The following VAV3 variants were observed in gnomAD, a reference collection of about 807,000 sequenced individuals.
VAV3 encodes guanine nucleotide exchange factor VAV3.
A neutral mutation model predicts 131.2 loss-of-function variants in VAV3; 94 were observed. The ratio of observed to expected loss-of-function variants is 0.72; its 90% CI spans 0.61 to 0.85. The LOEUF is 0.85. Among genes scored for constraint, VAV3 ranks in the 40% least tolerant of loss-of-function variants. The pLI, the probability that VAV3 is intolerant of heterozygous loss-of-function variation, is 0.00. For synonymous variants in VAV3, 349 were observed against 342.0 expected (o/e 1.02, Z -0.22); for missense variants, 939 against 1,002.7 (o/e 0.94, Z 0.86).
intron 19 of VAV3, 150 bp downstream of exon 19, chr1:107,683,338 G>A (rs576335524): frequency 6.0e-5 from 46 of 770,230 alleles, no homozygotes; most frequent in Admixed American, 5.8e-4. Context: ...TGATTTACAC[G>A]TTAGACCATG....
intron 2 of VAV3, among the ~76,000 whole-genome samples, chr1:107,858,286 G>T (rs76231380): frequency 6.6e-6 from 1 of 152,172 alleles, no homozygotes; most frequent in African/African-American, 2.4e-5. Context: ...TGACAGCACT[G>T]AAATTATACA....
intron 1 of VAV3, among the ~76,000 whole-genome samples, chr1:107,886,093 G>C (rs544893990): frequency 3.9e-5 from 6 of 152,300 alleles, no homozygotes; most frequent in African/African-American, 1.4e-4. Context: ...CAAAATTTTG[G>C]AGGAAATGCA....
At chr1:107,664,184 A>G (rs1019978760) in intron 19 of VAV3, among the ~76,000 whole-genome samples, 6 of 151,724 alleles carry the variant, frequency 4.0e-5, no homozygotes, top group Non-Finnish European at 8.8e-5. Flanking sequence ...CTCCCCTCCT[A>G]TTTTATTTTT....
intron 2 of VAV3, among the ~76,000 whole-genome samples, chr1:107,830,075 C>T (rs770110711): frequency 3.9e-5 from 6 of 152,108 alleles, no homozygotes; most frequent in Admixed American, 2.0e-4. Context: ...TTCCTTTCAC[C>T]TTTTAAAATT....
At chr1:107,747,394 G>A (rs1663419039) in intron 15 of VAV3, among the ~76,000 whole-genome samples, 1 of 151,486 alleles carries the variant, frequency 6.6e-6, no homozygotes, top group African/African-American at 2.4e-5. Context: ...GCAAAGGCTC[G>A]AGATCAGCTC....
At chr1:107,590,054 TG>T (rs1650816816) in intron 25 of VAV3, among the ~76,000 whole-genome samples, 1 of 152,174 alleles carries the variant, frequency 6.6e-6, no homozygotes, top group Non-Finnish European at 1.5e-5. Flanking sequence ...ATGGGGACAG[TG>T]GGTGACAGGA....
intron 1 of VAV3, among the ~76,000 whole-genome samples, chr1:107,922,291 T>C (rs1571144978): frequency 1.2e-4 from 1 of 8,464 alleles, no homozygotes; most frequent in Middle Eastern, 0.25. Context: ...ATGTCTTGTT[T>C]TGTGTCAGTA....
intron 2 of VAV3, among the ~76,000 whole-genome samples, chr1:107,852,960 T>C (rs1669295203): frequency 6.6e-6 from 1 of 152,118 alleles, no homozygotes; most frequent in African/African-American, 2.4e-5. Context: ...AAAGAAAAGA[T>C]TTGCCTATCT....
chr1:107,625,546 C>T (rs773439717), intron 20 of VAV3, among the ~76,000 whole-genome samples: 1 of 152,150 alleles, frequency 6.6e-6, no homozygotes, highest in Non-Finnish European at 1.5e-5. Context: ...GGATTACAGG[C>T]ATGAGCCACT....
chr1:107,784,643 C>T (rs968081082), intron 2 of VAV3, among the ~76,000 whole-genome samples: 2 of 152,190 alleles, frequency 1.3e-5, no homozygotes, highest in African/African-American at 4.8e-5. Context: ...GTCTTTCAAT[C>T]TGACAACGGA....
At chr1:107,579,541 A>G (rs1239687914) in intron 25 of VAV3, among the ~76,000 whole-genome samples, 2 of 152,176 alleles carry the variant, frequency 1.3e-5, no homozygotes, top group Non-Finnish European at 2.9e-5. Flanking sequence ...TTTCTCTGCA[A>G]TATGAAGTTA....
At chr1:107,587,001 G>A (rs548961210) in intron 25 of VAV3, among the ~76,000 whole-genome samples, 1 of 152,182 alleles carries the variant, frequency 6.6e-6, no homozygotes, top group South Asian at 2.1e-4. Context: ...GACTTCTCAG[G>A]AGTGTTACAG....
chr1:107,671,221 T>G (rs1657767736), intron 19 of VAV3, among the ~76,000 whole-genome samples: 1 of 152,194 alleles, frequency 6.6e-6, no homozygotes, highest in African/African-American at 2.4e-5. Context: ...ACTGAAGACA[T>G]CACACGATTT....
At chr1:107,895,229 C>G (rs1054900053) in intron 1 of VAV3, among the ~76,000 whole-genome samples, 11 of 152,152 alleles carry the variant, frequency 7.2e-5, no homozygotes, top group Non-Finnish European at 1.3e-4. Context: ...GAATCGGACT[C>G]TCACCCATGG....
chr1:107,585,328 T>C (rs1650398723), intron 25 of VAV3, among the ~76,000 whole-genome samples: 1 of 152,204 alleles, frequency 6.6e-6, no homozygotes, highest in South Asian at 2.1e-4. Flanking sequence ...CTAACTGGTC[T>C]TCCTGTGCCT....
chr1:107,753,313 A>G (rs1055877349), intron 12 of VAV3, among the ~76,000 whole-genome samples: 1 of 151,854 alleles, frequency 6.6e-6, no homozygotes, highest in Non-Finnish European at 1.5e-5. Context: ...GGGAAAGAGA[A>G]GAATGGGAAG....
At chr1:107,807,083 C>T (rs761912585) in intron 2 of VAV3, among the ~76,000 whole-genome samples, 15 of 152,212 alleles carry the variant, frequency 9.9e-5, no homozygotes, top group South Asian at 2.1e-4. Context: ...AACCCAAGAA[C>T]GCAAAACCCA....
intron 25 of VAV3, among the ~76,000 whole-genome samples, chr1:107,594,762 C>T (rs1651240252): frequency 6.6e-6 from 1 of 152,046 alleles, no homozygotes; most frequent in Non-Finnish European, 1.5e-5. Flanking sequence ...TGGGAGTGAA[C>T]CACAGAGTGA....
At position 107,631,747 on chromosome 1, in the gene VAV3, G is replaced by A. The variant is rs372888270; in HGVS notation, c.1914+10872C>T. Reference sequence around the variant, plus strand: ...GCGGTGTTTGGTTTTTTGTCCTTGCGATAATTTGCTGAGAATGATTGTTTC... The same window carrying A: ...GCGGTGTTTGGTTTTTTGTCCTTGCAATAATTTGCTGAGAATGATTGTTTC... On this transcript the variant is annotated intron_variant, in intron 20 of 26. Transcript: ENST00000370056. Among the ~76,000 whole-genome samples the A allele has an allele frequency of 1.0e-4, 15 of 150,342 alleles. No homozygotes were observed. The East Asian group carries it at 2.2e-3, about 22-fold the overall frequency.
Sources: allele counts gnomAD v4.1 joint callset (sites outside exome capture counted in the v4.1 genomes callset), GRCh38; gene constraint gnomAD v4.1.1; transcripts MANE v1.5; gene names NCBI Gene and HGNC (gene_info 2026-07-23, HGNC 2026-07-21).